The following LOC400499 variants were observed in gnomAD, a reference collection of about 807,000 sequenced individuals.
the LOC400499 span, among the ~76,000 whole-genome samples, chr16:11,491,225 G>A: frequency 1.3e-5 from 2 of 152,130 alleles, no homozygotes; most frequent in Admixed American, 6.6e-5. Context: ...TGTGCATTAT[G>A]GAAAATTTTT....
chr16:11,444,134 C>G, the LOC400499 span, among the ~76,000 whole-genome samples: 8 of 152,138 alleles, frequency 5.3e-5, no homozygotes, highest in Non-Finnish European at 7.4e-5. Context: ...AGCCACCACA[C>G]CTGGCCCAAT....
the LOC400499 span, among the ~76,000 whole-genome samples, chr16:11,403,274 CCAGT>C: frequency 6.6e-6 from 1 of 152,158 alleles, no homozygotes; most frequent in Non-Finnish European, 1.5e-5. Context: ...AGGGCATCAC[CCAGT>C]CATTGGTTCT....
the LOC400499 span, among the ~76,000 whole-genome samples, chr16:11,459,400 G>T: frequency 6.6e-6 from 1 of 151,796 alleles, no homozygotes; most frequent in East Asian, 1.9e-4. Context: ...GTTTCGCCGT[G>T]TTAGCCAGGA....
chr16:11,422,469 A>G, the LOC400499 span, among the ~76,000 whole-genome samples: 43 of 152,320 alleles, frequency 2.8e-4, no homozygotes, highest in African/African-American at 1.0e-3. Context: ...AAGGAAAACG[A>G]AGCAAAGGAA....
At chr16:11,445,172 G>A in the LOC400499 span, among the ~76,000 whole-genome samples, 1 of 151,964 alleles carries the variant, frequency 6.6e-6, no homozygotes, top group Non-Finnish European at 1.5e-5. Context: ...GGTAATCCCA[G>A]CACTTTGGGA....
the LOC400499 span, among the ~76,000 whole-genome samples, chr16:11,467,723 C>G: frequency 1.3e-5 from 2 of 152,190 alleles, no homozygotes; most frequent in African/African-American, 4.8e-5. Flanking sequence ...ATATCACTCA[C>G]CTGATAGACA....
the LOC400499 span, chr16:11,372,160 C>A: frequency 2.2e-4 from 34 of 152,242 alleles, no homozygotes; most frequent in African/African-American, 8.2e-4. Flanking sequence ...CCCCAGGGTC[C>A]CCTGAAGCAT....
the LOC400499 span, chr16:11,423,214 A>G: frequency 0.86 from 341,500 of 399,208 alleles, 147,157 homozygotes; most frequent in Non-Finnish European, 0.9. Flanking sequence ...CCTCGGCACC[A>G]TCCTAACAGC....
chr16:11,381,505 A>T, the LOC400499 span, among the ~76,000 whole-genome samples: 1 of 152,240 alleles, frequency 6.6e-6, no homozygotes, highest in Non-Finnish European at 1.5e-5. Context: ...TCTGTAGCTT[A>T]TCTTTCCATC....
the LOC400499 span, chr16:11,372,340 C>G: frequency 6.6e-6 from 1 of 152,278 alleles, no homozygotes; most frequent in Non-Finnish European, 1.5e-5. Context: ...TGTCCCCCAC[C>G]ACGCAGTCAG....
the LOC400499 span, among the ~76,000 whole-genome samples, chr16:11,515,293 G>GA: frequency 1.6e-4 from 24 of 149,180 alleles, no homozygotes; most frequent in African/African-American, 4.9e-4. Flanking sequence ...TAAAAATCCA[G>GA]AAAAAAAAAA....
the LOC400499 span, among the ~76,000 whole-genome samples, chr16:11,425,647 T>G: frequency 6.6e-6 from 1 of 152,086 alleles, no homozygotes; most frequent in Non-Finnish European, 1.5e-5. Context: ...ATTCGCAAAA[T>G]AATTCAGAAA....
chr16:11,423,578 TCA>T, the LOC400499 span, among the ~76,000 whole-genome samples: 1 of 152,200 alleles, frequency 6.6e-6, no homozygotes, highest in Non-Finnish European at 1.5e-5. Flanking sequence ...TTGCATGTGG[TCA>T]CACAGTCAGC....
the LOC400499 span, among the ~76,000 whole-genome samples, chr16:11,423,593 C>T: frequency 3.3e-5 from 5 of 152,238 alleles, no homozygotes; most frequent in African/African-American, 4.8e-5. Context: ...CAGTCAGCGA[C>T]GGTGCAGCCT....
At chr16:11,431,009 C>T in the LOC400499 span, 6 of 399,026 alleles carry the variant, frequency 1.5e-5, no homozygotes, top group East Asian at 3.6e-5. Context: ...CTTGCCGCTG[C>T]CCCCATGGCG....
the LOC400499 span, among the ~76,000 whole-genome samples, chr16:11,423,718 A>G: frequency 8.5e-5 from 13 of 152,194 alleles, no homozygotes; most frequent in Non-Finnish European, 1.9e-4. Context: ...TGAGAACAAT[A>G]AAGAGGACAG....
the LOC400499 span, among the ~76,000 whole-genome samples, chr16:11,467,456 A>T: frequency 5.2e-5 from 7 of 133,666 alleles, no homozygotes; most frequent in African/African-American, 1.4e-4. Context: ...CAAAAATATA[A>T]AAAAAAGAAG....
chr16:11,376,398 A>G, the LOC400499 span, among the ~76,000 whole-genome samples: 2 of 150,520 alleles, frequency 1.3e-5, no homozygotes, highest in African/African-American at 4.9e-5. Flanking sequence ...GGTTAACTTC[A>G]TTCTTTTGCA....
the LOC400499 span, among the ~76,000 whole-genome samples, chr16:11,519,957 C>T: frequency 6.6e-6 from 1 of 152,112 alleles, no homozygotes; most frequent in Non-Finnish European, 1.5e-5. Context: ...CCCGCCTCGG[C>T]CTCCCAATGA....
Sources: allele counts gnomAD v4.1 joint callset (sites outside exome capture counted in the v4.1 genomes callset), GRCh38; gene constraint gnomAD v4.1.1; transcripts MANE v1.5.